The following KCNN2 variants were observed in gnomAD, a reference collection of about 807,000 sequenced individuals.
KCNN2 encodes the protein potassium calcium-activated channel subfamily N member 2.
In KCNN2, 24 loss-of-function variants were observed where a neutral mutation model predicts 55.5. The observed-to-expected ratio is 0.43, with a 90% CI of 0.31 to 0.61. The LOEUF is 0.61. Ranked by LOEUF, KCNN2 falls within the 20% of genes least tolerant of loss-of-function variation. The probability of loss-of-function intolerance (pLI) is 0.08; values close to 1 mark genes in which losing one functional copy is unlikely to be tolerated. For synonymous variants in KCNN2, 431 were observed against 336.1 expected (o/e 1.28, Z -3.09); for missense variants, 754 against 853.6 (o/e 0.88, Z 1.45).
chr5:114,436,872 T>C (rs1008103636), intron 3 of KCNN2, among the ~76,000 whole-genome samples: 8 of 152,214 alleles, frequency 5.3e-5, no homozygotes, highest in Admixed American at 3.3e-4. Flanking sequence ...AATGAGGTTA[T>C]TGAGCCTCTG....
At chr5:114,294,405 T>C (rs1755963936) in intron 2 of KCNN2, among the ~76,000 whole-genome samples, 1 of 152,138 alleles carries the variant, frequency 6.6e-6, no homozygotes, top group Non-Finnish European at 1.5e-5. Flanking sequence ...TTTGTTCTCG[T>C]TGGTTTCAAA....
At chr5:114,169,454 A>C (rs753058424) in intron 1 of KCNN2, among the ~76,000 whole-genome samples, 1 of 152,122 alleles carries the variant, frequency 6.6e-6, no homozygotes, top group African/African-American at 2.4e-5. Context: ...ATTTCCCATA[A>C]GAAAAAAGAC....
chr5:114,106,400 T>C (rs1008534174), intron 1 of KCNN2, among the ~76,000 whole-genome samples: 2 of 151,924 alleles, frequency 1.3e-5, no homozygotes, highest in East Asian at 3.9e-4. Context: ...TTTATGCATA[T>C]ACAGATCTAG....
At position 114,241,194 on chromosome 5, in the gene KCNN2, A is replaced by T. The variant is rs537179063; in HGVS notation, c.-185+19629A>T. ...AAACAGTAAATGTCTGGATAAAATA[A>T]CTCTAATGTCACAAAAATAGCAATA... On this transcript the variant is annotated intron_variant, in intron 2 of 10. Coordinates refer to the KCNN2 transcript ENST00000512097. Among the ~76,000 whole-genome samples, 7 of 152,010 alleles carry T rather than the reference A, an allele frequency of 4.6e-5. No homozygotes were observed. In the South Asian group the frequency reaches 1.5e-3, roughly 32 times the overall value.
At chr5:114,072,831 G>A (rs753130944) in intron 1 of KCNN2, among the ~76,000 whole-genome samples, 14 of 152,126 alleles carry the variant, frequency 9.2e-5, no homozygotes, top group Non-Finnish European at 1.8e-4. Context: ...TTATAAGGTA[G>A]CTATGAATAT....
intron 1 of KCNN2, among the ~76,000 whole-genome samples, chr5:114,121,700 A>T (rs1561484309): frequency 6.6e-6 from 1 of 152,156 alleles, no homozygotes; most frequent in South Asian, 2.1e-4. Context: ...CTGCAGTGCC[A>T]ATGGGTCCTC....
At chr5:114,070,128 C>CT (rs1180966683) in intron 1 of KCNN2, among the ~76,000 whole-genome samples, 1 of 152,160 alleles carries the variant, frequency 6.6e-6, no homozygotes, top group African/African-American at 2.4e-5. Flanking sequence ...ACGACCATTG[C>CT]TTTTCCCCTA....
At chr5:114,081,480 C>G (rs1172720493) in intron 1 of KCNN2, among the ~76,000 whole-genome samples, 1 of 152,124 alleles carries the variant, frequency 6.6e-6, no homozygotes, top group Admixed American at 6.6e-5. Context: ...ATAAACCCTC[C>G]TAAATATGTT....
chr5:114,334,460 T>A (rs1238409476), intron 2 of KCNN2, among the ~76,000 whole-genome samples: 2 of 151,892 alleles, frequency 1.3e-5, no homozygotes, highest in East Asian at 3.9e-4. Flanking sequence ...AAATGAAAAG[T>A]GTATATATAG....
intron 1 of KCNN2, among the ~76,000 whole-genome samples, chr5:114,158,000 T>C (rs561873517): frequency 3.7e-4 from 56 of 152,174 alleles, no homozygotes; most frequent in Admixed American, 1.6e-3. Flanking sequence ...AGAAGCTCTT[T>C]AGTTTAATTA....
chr5:114,377,466 T>G (rs992064360), intron 2 of KCNN2, among the ~76,000 whole-genome samples: 1 of 152,202 alleles, frequency 6.6e-6, no homozygotes, highest in African/African-American at 2.4e-5. Context: ...TGTTGAATGA[T>G]AAAAGCTTGT....
intron 2 of KCNN2, among the ~76,000 whole-genome samples, chr5:114,282,082 C>A (rs1280824121): frequency 2.0e-5 from 3 of 151,938 alleles, no homozygotes; most frequent in African/African-American, 4.8e-5. Flanking sequence ...TTGTATATAT[C>A]CATATTTTGG....
intron 2 of KCNN2, among the ~76,000 whole-genome samples, chr5:114,306,462 G>A (rs922110408): frequency 2.6e-5 from 4 of 152,160 alleles, no homozygotes; most frequent in Non-Finnish European, 5.9e-5. Context: ...TGTAATTGGA[G>A]GTGGGGTGGT....
chr5:114,243,310 T>A (rs552904523), intron 2 of KCNN2, among the ~76,000 whole-genome samples: 1 of 152,268 alleles, frequency 6.6e-6, no homozygotes, highest in African/African-American at 2.4e-5. Flanking sequence ...TTTCCTCAGT[T>A]TTGCTTTCTG....
chr5:114,262,660 G>A lies in KCNN2; in HGVS notation c.-185+41095G>A, dbSNP rs79431422. 5.0e-3 allele frequency among the ~76,000 whole-genome samples: 757 copies of A among 152,324 alleles called. 9 individuals are homozygous for A. The highest frequency in any genetic ancestry group is 0.018 in the African/African-American group (738 of 41,562). On this transcript the variant is annotated intron_variant, in intron 2 of 10. Coordinates refer to the KCNN2 transcript ENST00000512097. ...TTAAATTCTTCATGGCATGAGAAGT[G>A]CTTAGAATAGCAGGTGAAACTTATG...
At chr5:114,373,324 T>C (rs867227825) in intron 2 of KCNN2, among the ~76,000 whole-genome samples, 2 of 151,960 alleles carry the variant, frequency 1.3e-5, no homozygotes, top group East Asian at 3.9e-4. Context: ...AAAACAATTA[T>C]ATAGAAACAA....
intron 2 of KCNN2, among the ~76,000 whole-genome samples, chr5:114,385,517 G>GCACACACA (rs201674964): frequency 6.8e-5 from 6 of 88,884 alleles, no homozygotes; most frequent in Admixed American, 1.3e-4. Flanking sequence ...ACACACATGC[G>GCACACACA]CGCACACACA....
intron 3 of KCNN2, among the ~76,000 whole-genome samples, chr5:114,438,641 T>C (rs1241072489): frequency 6.6e-6 from 1 of 152,122 alleles, no homozygotes; most frequent in East Asian, 1.9e-4. Context: ...CTTCCTCCTG[T>C]CCCCATTTGT....
chr5:114,312,086 A>G (rs1353857696), intron 2 of KCNN2, among the ~76,000 whole-genome samples: 2 of 152,040 alleles, frequency 1.3e-5, no homozygotes, highest in Admixed American at 6.6e-5. Flanking sequence ...ATGGAAAGAA[A>G]GCTCTTAGAA....
Sources: gnomAD v4.1 joint callset for allele counts (sites outside exome capture counted in the v4.1 genomes callset) on GRCh38, gnomAD v4.1.1 for gene constraint, MANE v1.5 for transcripts, NCBI Gene and HGNC (gene_info 2026-07-23, HGNC 2026-07-21) for gene names.